Variants in GINM1 observed in about 807,000 individuals in gnomAD.
GINM1 encodes the protein glycoprotein integral membrane protein 1.
GINM1 carries 29 observed loss-of-function variants against 37.8 expected under a neutral mutation model. That is an observed-to-expected ratio of 0.77 (90% CI 0.57 to 1.05). The LOEUF (loss-of-function observed/expected upper bound fraction) is 1.05. GINM1 is among the 50% of genes least tolerant of loss of function. The pLI is 0.00. For missense variants in GINM1, 377 were observed against 397.9 expected (o/e 0.95, Z 0.45); for synonymous variants, 143 against 146.2 (o/e 0.98, Z 0.16).
intron 5 of GINM1, 123 bp downstream of exon 5, chr6:149,580,113 G>C: frequency 1.6e-6 from 1 of 643,170 alleles, no homozygotes; most frequent in East Asian, 2.8e-5. Context: ...ATCTTTAATA[G>C]TTAATATGTT....
chr6:149,578,506 A>ACAGAG (rs964133654), intron 3 of GINM1, among the ~76,000 whole-genome samples: 2 of 142,396 alleles, frequency 1.4e-5, no homozygotes, highest in Non-Finnish European at 3.0e-5. Flanking sequence ...AGCCTGGGCG[A>ACAGAG]CAGAGCAAGA....
At chr6:149,572,148 A>C in intron 1 of GINM1, 137 bp from the exon 2 acceptor site, 1 of 434,602 alleles carries the variant, frequency 2.3e-6, no homozygotes, top group South Asian at 9.1e-5. Flanking sequence ...TAAAATGGAA[A>C]AGATGATCTT....
At chr6:149,585,480 A>C (rs1778055971) in intron 7 of GINM1, among the ~76,000 whole-genome samples, 1 of 152,242 alleles carries the variant, frequency 6.6e-6, no homozygotes, top group Non-Finnish European at 1.5e-5. Flanking sequence ...CACTTAAGAC[A>C]CAGGTTTCCC....
chr6:149,582,614 C>A lies in GINM1; in HGVS notation c.881+11C>A, dbSNP rs1778019583. 6.6e-7 allele frequency: 1 copy of A among 1,513,428 alleles called. No individual in the cohort carries two copies. The highest frequency in any genetic ancestry group is 8.9e-7 in the Non-Finnish European group (1 of 1,122,052). The allele number at this position is 1,513,428 out of a possible 1,614,324, so 93.7% of individuals were successfully genotyped here. On this transcript the variant is annotated intron_variant, in intron 7 of 7. Coordinates refer to ENST00000367419, the MANE Select transcript of GINM1 (RefSeq NM_138785.5). ...AGTTTCTGAATACAAGTAAGTATTT[C>A]TTATTTTTGAAATGTTAGTATTTTT... is the stretch of plus-strand genomic sequence containing the variant.
Position 149,590,710 on chromosome 6 carries a change from A to T in GINM1, c.882-17A>T, listed in dbSNP as rs372948833. 1 of 1,256,276 alleles carries T rather than the reference A, an allele frequency of 8.0e-7. No homozygotes were observed. The highest frequency in any genetic ancestry group is 1.2e-6 in the Non-Finnish European group (1 of 864,392). 77.8% of individuals were successfully genotyped at this position (1,256,276 alleles called of 1,614,324 possible). ...AAACATTTAATTTTGATAGTAATTAATCACTTTCTATTTCAGAGGAATTCT... is the reference window on the plus strand; with the variant it reads ...AAACATTTAATTTTGATAGTAATTATTCACTTTCTATTTCAGAGGAATTCT... On this transcript the variant is annotated splice_polypyrimidine_tract_variant and intron_variant, in intron 7 of 7. Coordinates refer to ENST00000367419, the MANE Select transcript of GINM1 (RefSeq NM_138785.5).
chr6:149,571,555 A>G (rs748155747), intron 1 of GINM1, among the ~76,000 whole-genome samples: 2 of 152,134 alleles, frequency 1.3e-5, no homozygotes, highest in Non-Finnish European at 2.9e-5. Context: ...GTTTAGAGAG[A>G]GAGACACAGG....
intron 7 of GINM1, among the ~76,000 whole-genome samples, chr6:149,585,597 TA>T (rs1194417097): frequency 2.6e-5 from 4 of 152,204 alleles, no homozygotes; most frequent in Admixed American, 6.5e-5. Context: ...ATTTTTTATT[TA>T]TTTATTTATT....
At chr6:149,569,337 C>CTTTTT (rs372296900) in intron 1 of GINM1, among the ~76,000 whole-genome samples, 1 of 123,868 alleles carries the variant, frequency 8.1e-6, no homozygotes. Context: ...CGCCCGGTCA[C>CTTTTT]TTTTTTTTTT....
intron 3 of GINM1, chr6:149,577,388 T>C (rs1388357187): frequency 6.6e-6 from 1 of 152,538 alleles, no homozygotes; most frequent in East Asian, 1.9e-4. Context: ...GTGGTGCTTT[T>C]CAAAGGGCAT....
At chr6:149,585,530 AT>A (rs1162624531) in intron 7 of GINM1, among the ~76,000 whole-genome samples, 1 of 152,102 alleles carries the variant, frequency 6.6e-6, no homozygotes, top group Non-Finnish European at 1.5e-5. Flanking sequence ...GTGCCAGTAA[AT>A]TTTTTTAATG....
At chr6:149,584,843 A>G (rs1481390139) in intron 7 of GINM1, among the ~76,000 whole-genome samples, 2 of 151,210 alleles carry the variant, frequency 1.3e-5, no homozygotes, top group African/African-American at 4.8e-5. Context: ...AGAGAGAGAG[A>G]GACACGGGGA....
chr6:149,572,430 G>T, intron 2 of GINM1, 77 bp from the exon 3 acceptor site: 1 of 1,264,920 alleles, frequency 7.9e-7, no homozygotes, highest in Non-Finnish European at 1.1e-6. Flanking sequence ...GTCTCATTTA[G>T]TTAATCTTTT....
chr6:149,590,937 C>G lies in GINM1; in HGVS notation c.*99C>G, dbSNP rs1473274213. The G allele has an allele frequency of 3.2e-6, 2 of 624,182 alleles. No homozygotes were observed. Among genetic ancestry groups the G allele is most frequent in the Non-Finnish European group, 5.7e-6 (2 of 352,712 alleles). The allele number at this position is 624,182 out of a possible 1,614,324, so 38.7% of individuals were successfully genotyped here. On this transcript the variant is annotated 3_prime_UTR_variant, in exon 8 of 8. Transcript: ENST00000367419. ...AAATCGTTAAGAATCAGTTTATACA[C>G]TAGAGAAATTGCTAAACTCTAAGAC...
intron 3 of GINM1, 52 bp downstream of exon 3, chr6:149,572,655 T>A (rs1166131000): frequency 1.9e-6 from 2 of 1,043,116 alleles, no homozygotes; most frequent in Non-Finnish European, 3.0e-6. Flanking sequence ...GTGTGTTTGT[T>A]GTTGTTGTTG....
At chr6:149,574,794 G>A (rs1474153212) in intron 3 of GINM1, among the ~76,000 whole-genome samples, 1 of 152,174 alleles carries the variant, frequency 6.6e-6, no homozygotes, top group East Asian at 1.9e-4. Flanking sequence ...CTTGAGCTCA[G>A]GAGATAGAGG....
intron 1 of GINM1, among the ~76,000 whole-genome samples, chr6:149,570,300 GA>G (rs1439456624): frequency 6.6e-6 from 1 of 150,572 alleles, no homozygotes; most frequent in Non-Finnish European, 1.5e-5. Context: ...TGGGCTGTTA[GA>G]AGAATAATAG....
intron 7 of GINM1, chr6:149,584,291 A>G (rs1430231470): frequency 6.6e-6 from 1 of 152,190 alleles, no homozygotes; most frequent in African/African-American, 2.4e-5. Flanking sequence ...CCCATTAGTC[A>G]TTTTAATTAT....
intron 3 of GINM1, among the ~76,000 whole-genome samples, chr6:149,573,545 A>G (rs912123957): frequency 6.6e-6 from 1 of 152,140 alleles, no homozygotes; most frequent in African/African-American, 2.4e-5. Context: ...TAAGATCAGT[A>G]TTGATGAAAC....
In GINM1 at chr6:149,566,988, G is replaced by T. The variant is rs910868750; in HGVS notation, c.120+454G>T. 6.6e-6 allele frequency among the ~76,000 whole-genome samples: 1 copy of T among 152,256 alleles called. No individual in the cohort carries two copies. Among genetic ancestry groups the T allele is most frequent in the African/African-American group, 2.4e-5 (1 of 41,468 alleles). ...CGGCCTGCGATCGCGAGGGTCCGCC[G>T]TTCCGAGGCTGCGGGGCTCCGCCGG... is the stretch of plus-strand genomic sequence containing the variant. On this transcript the variant is annotated intron_variant, in intron 1 of 7. Coordinates refer to ENST00000367419, the MANE Select transcript of GINM1 (RefSeq NM_138785.5). This position sits in a 1 kb window ranked among gnomAD's most constrained non-coding sequence, Gnocchi z 4.4.
Sources: gnomAD v4.1 joint callset for allele counts (sites outside exome capture counted in the v4.1 genomes callset) on GRCh38, gnomAD v4.1.1 for gene constraint, Gnocchi (gnomAD v3.1) non-coding constraint, MANE v1.5 for transcripts, NCBI Gene and HGNC (gene_info 2026-07-23, HGNC 2026-07-21) for gene names.